Variants in NRXN3 observed in about 807,000 individuals in gnomAD.
NRXN3 encodes neurexin 3.
In NRXN3, 32 loss-of-function variants were observed where a neutral mutation model predicts 137.6. That is an observed-to-expected ratio of 0.23 (90% CI 0.18 to 0.31). The LOEUF (loss-of-function observed/expected upper bound fraction) is 0.31. NRXN3 is among the 10% of genes least tolerant of loss of function. NRXN3 has a pLI of 1.00. For synonymous variants in NRXN3, 798 were observed against 784.5 expected (o/e 1.02, Z -0.29); for missense variants, 1,574 against 2,062.5 (o/e 0.76, Z 4.59).
rs560879977 is a variant in NRXN3, at chr14:78,734,147, G to A, written c.2044+19008G>A. On this transcript the variant is annotated intron_variant, in intron 8 of 20. Coordinates refer to ENST00000335750, the MANE Select transcript of NRXN3 (RefSeq NM_001330195.2). ...GAAACTTTGGCTACAGTTGAATCAG[G>A]GATTTAGTGTGAAAAACATGTAGGT... Among the ~76,000 whole-genome samples the A allele has an allele frequency of 4.1e-5, 6 of 147,624 alleles. No homozygotes were observed. The East Asian group carries it at 6.1e-4, about 15-fold the overall frequency.
chr14:78,461,713 C>G (rs116556888), intron 4 of NRXN3, among the ~76,000 whole-genome samples: 2,631 of 152,274 alleles, frequency 0.017, 62 homozygotes, highest in African/African-American at 0.051. Flanking sequence ...TTTAAGAGTG[C>G]AGGGTGGGTT....
chr14:78,633,267 A>AAAAAAAAAAAAAAAAAAAAAAAAGAG (rs1376443966), intron 4 of NRXN3, among the ~76,000 whole-genome samples: 2 of 150,184 alleles, frequency 1.3e-5, no homozygotes, highest in African/African-American at 5.0e-5. Context: ...AAAAAAAAAA[A>AAAAAAAAAAAAAAAAAAAAAAAAGAG]AGAGACTGGT....
At chr14:79,500,165 G>C (rs1052851656) in intron 16 of NRXN3, among the ~76,000 whole-genome samples, 1 of 139,988 alleles carries the variant, frequency 7.1e-6, no homozygotes, top group African/African-American at 2.6e-5. Context: ...AGTCATGATA[G>C]ATGAATTTCT....
At chr14:78,768,267 CTA>C (rs1157399875) in intron 8 of NRXN3, among the ~76,000 whole-genome samples, 1 of 152,090 alleles carries the variant, frequency 6.6e-6, no homozygotes, top group Non-Finnish European at 1.5e-5. Flanking sequence ...CTTCATGATT[CTA>C]TGAGTGAATT....
chr14:79,246,574 A>G (rs914065404), intron 15 of NRXN3: 2 of 152,026 alleles, frequency 1.3e-5, no homozygotes, highest in Non-Finnish European at 2.9e-5. Flanking sequence ...ACACACACAC[A>G]CACTTCTCTC....
intron 15 of NRXN3, among the ~76,000 whole-genome samples, chr14:79,251,570 G>C (rs967936900): frequency 5.9e-5 from 9 of 152,044 alleles, no homozygotes; most frequent in African/African-American, 2.2e-4. Flanking sequence ...GTTATGGTTC[G>C]GATTATTGGA....
chr14:79,162,843 C>G (rs1440963587), intron 15 of NRXN3, among the ~76,000 whole-genome samples: 2 of 151,780 alleles, frequency 1.3e-5, no homozygotes, highest in Non-Finnish European at 2.9e-5. Context: ...CTCCCCATTT[C>G]CTCCCCTTTC....
At chr14:79,009,606 G>A (rs866024556) in intron 15 of NRXN3, among the ~76,000 whole-genome samples, 1 of 151,992 alleles carries the variant, frequency 6.6e-6, no homozygotes, top group Non-Finnish European at 1.5e-5. Context: ...ATCAGACAGG[G>A]GTATTTCATA....
intron 4 of NRXN3, among the ~76,000 whole-genome samples, chr14:78,448,261 C>T (rs2094468504): frequency 6.6e-6 from 1 of 152,196 alleles, no homozygotes; most frequent in South Asian, 2.1e-4. Flanking sequence ...ACTTATCTAG[C>T]ACAGTGTGTA....
chr14:79,790,735 C>T (rs1180712204), intron 19 of NRXN3, among the ~76,000 whole-genome samples: 2 of 151,356 alleles, frequency 1.3e-5, no homozygotes, highest in Non-Finnish European at 2.9e-5. Context: ...ATTCTCCTGC[C>T]TCAGCCACCC....
At chr14:79,780,151 G>A (rs1452952988) in intron 19 of NRXN3, among the ~76,000 whole-genome samples, 1 of 151,734 alleles carries the variant, frequency 6.6e-6, no homozygotes, top group Non-Finnish European at 1.5e-5. Context: ...AGTACCTCTG[G>A]CCTTTGGGGA....
intron 16 of NRXN3, among the ~76,000 whole-genome samples, chr14:79,529,441 CTTG>C (rs2097150386): frequency 6.6e-6 from 1 of 152,182 alleles, no homozygotes; most frequent in South Asian, 2.1e-4. Context: ...ATTTTACTTC[CTTG>C]TTGTTTTTTC....
At chr14:78,544,887 C>A (rs1376748682) in intron 4 of NRXN3, among the ~76,000 whole-genome samples, 1 of 152,156 alleles carries the variant, frequency 6.6e-6, no homozygotes, top group Non-Finnish European at 1.5e-5. Context: ...AGAGAGGTGA[C>A]TGGGGAGAGG....
chr14:79,445,793 G>T (rs78144424), intron 15 of NRXN3, among the ~76,000 whole-genome samples: 5,071 of 152,268 alleles, frequency 0.033, 288 homozygotes, highest in African/African-American at 0.12. Flanking sequence ...GCCAGGTAAA[G>T]TAAGAAAGGT....
At chr14:79,514,542 A>G (rs560190811) in intron 16 of NRXN3, among the ~76,000 whole-genome samples, 1 of 152,284 alleles carries the variant, frequency 6.6e-6, no homozygotes, top group African/African-American at 2.4e-5. Flanking sequence ...CATGGTAGTA[A>G]CCCTTAACCC....
intron 4 of NRXN3, among the ~76,000 whole-genome samples, chr14:78,493,218 A>G (rs987795623): frequency 6.6e-6 from 1 of 152,110 alleles, no homozygotes; most frequent in African/African-American, 2.4e-5. Context: ...AGACAAAAAT[A>G]GATTAAGAAT....
intron 19 of NRXN3, among the ~76,000 whole-genome samples, chr14:79,730,962 T>C (rs1382155241): frequency 6.6e-6 from 1 of 152,118 alleles, no homozygotes; most frequent in Non-Finnish European, 1.5e-5. Flanking sequence ...AGCAAAGTAA[T>C]CCCTGTGCCT....
intron 15 of NRXN3, among the ~76,000 whole-genome samples, chr14:79,383,134 C>G (rs1228010256): frequency 1.3e-5 from 2 of 152,080 alleles, no homozygotes; most frequent in African/African-American, 4.8e-5. Flanking sequence ...ACAACCATTC[C>G]CAATCCTCCA....
intron 19 of NRXN3, among the ~76,000 whole-genome samples, chr14:79,730,936 T>A (rs1225278988): frequency 6.6e-6 from 1 of 152,132 alleles, no homozygotes; most frequent in South Asian, 2.1e-4. Flanking sequence ...TGAGTCTTAG[T>A]AGGAAAGGGG....
Sources: allele counts gnomAD v4.1 joint callset (sites outside exome capture counted in the v4.1 genomes callset), GRCh38; gene constraint gnomAD v4.1.1; transcripts MANE v1.5; gene names NCBI Gene and HGNC (gene_info 2026-07-23, HGNC 2026-07-21).